The following CYP2E1 variants were observed in gnomAD, a reference collection of about 807,000 sequenced individuals.
The protein encoded by CYP2E1 is cytochrome P450 family 2 subfamily E member 1, also known as cytochrome P450 2E1.
In CYP2E1, 31 loss-of-function variants were observed where a neutral mutation model predicts 42.9. That is an observed-to-expected ratio of 0.72 (90% confidence interval 0.54 to 0.98). The LOEUF (loss-of-function observed/expected upper bound fraction) is 0.98. Ranked by LOEUF, CYP2E1 falls within the 50% of genes least tolerant of loss-of-function variation. The probability of loss-of-function intolerance (pLI) is 0.00; values close to 1 mark genes in which losing one functional copy is unlikely to be tolerated. For missense variants in CYP2E1, 565 were observed against 633.2 expected (o/e 0.89, Z 1.16); for synonymous variants, 244 against 248.9 (o/e 0.98, Z 0.19).
At position 133,537,047 on chromosome 10, in the gene CYP2E1, A is replaced by G; in HGVS notation, c.968-16A>G. The G allele has an allele frequency of 1.2e-6, 2 of 1,610,262 alleles. No individual in the cohort carries two copies. Among genetic ancestry groups the G allele is most frequent in the Non-Finnish European group, 1.7e-6 (2 of 1,177,644 alleles). On this transcript the variant is annotated splice_polypyrimidine_tract_variant and intron_variant, in intron 6 of 8. Transcript: ENST00000252945. The stretch of plus-strand genomic sequence containing the variant: ...GGAACCAATCCCTGAAATTTGTCCC[A>G]TTCATATCTTGGCAGAGAAGCTCCA...
chr10:133,536,401 GTGGATGGACGGACGGATGGATGGA>G (rs1482988672), intron 6 of CYP2E1, among the ~76,000 whole-genome samples: 1 of 151,010 alleles, frequency 6.6e-6, no homozygotes, highest in Non-Finnish European at 1.5e-5. Flanking sequence ...GGATGGGTGG[GTGGATGGACGGACGGATGGATGGA>G]TGGATGGATG....
intron 8 of CYP2E1, among the ~76,000 whole-genome samples, chr10:133,538,503 C>A (rs1169991689): frequency 2.0e-5 from 3 of 152,186 alleles, no homozygotes; most frequent in Non-Finnish European, 2.9e-5. Context: ...CTTTACTGGG[C>A]AGACACGGTC....
intron 6 of CYP2E1, among the ~76,000 whole-genome samples, chr10:133,534,508 A>T (rs1045138558): frequency 6.6e-6 from 1 of 152,108 alleles, no homozygotes; most frequent in Non-Finnish European, 1.5e-5. Context: ...AGTAGAGGTG[A>T]TGTGAGGGCA....
intron 6 of CYP2E1, among the ~76,000 whole-genome samples, chr10:133,534,864 A>ATT (rs1190620195): frequency 2.8e-5 from 2 of 71,328 alleles, no homozygotes; most frequent in African/African-American, 9.0e-5. Flanking sequence ...CTTTTTATTT[A>ATT]TTTATTTTTT....
intron 2 of CYP2E1, among the ~76,000 whole-genome samples, chr10:133,530,170 C>T (rs907095055): frequency 6.6e-6 from 1 of 152,194 alleles, no homozygotes; most frequent in Non-Finnish European, 1.5e-5. Flanking sequence ...GAGCCCTGGG[C>T]ATGGGCTGCA....
chr10:133,537,594 G>C (rs754237819), intron 7 of CYP2E1, 157 bp from the exon 8 acceptor site: 1 of 659,380 alleles, frequency 1.5e-6, no homozygotes. Context: ...ACCCCTGACT[G>C]CTTTCTATCT....
intron 6 of CYP2E1, among the ~76,000 whole-genome samples, chr10:133,535,207 G>A (rs1046388860): frequency 7.9e-5 from 12 of 151,948 alleles, no homozygotes; most frequent in Admixed American, 2.0e-4. Flanking sequence ...GGTGGCACGC[G>A]CCTATAGTCA....
chr10:133,528,229 T>TGCCGCGGAGTTGTCCGCGGAGTC (rs1851294059), intron 1 of CYP2E1: 13 of 407,232 alleles, frequency 3.2e-5, no homozygotes, highest in Non-Finnish European at 4.9e-5. Flanking sequence ...TCCGCGGAGT[T>TGCCGCGGAGTTGTCCGCGGAGTC]GCCGCGGAGT....
intron 4 of CYP2E1, 54 bp from the exon 5 acceptor site, chr10:133,532,638 C>T: frequency 6.9e-7 from 1 of 1,439,278 alleles, no homozygotes; most frequent in South Asian, 1.4e-5. Flanking sequence ...GTCCAACACA[C>T]ACAATTATGT....
rs1471629503 is a variant in CYP2E1 at position 133,531,580 on chromosome 10, C to T, written c.338-5C>T. 6.2e-7 allele frequency: 1 copy of T among 1,613,918 alleles called. No individual in the cohort carries two copies. The highest frequency in any genetic ancestry group is 8.5e-7 in the Non-Finnish European group (1 of 1,180,008). On this transcript the variant is annotated splice_region_variant and splice_polypyrimidine_tract_variant and intron_variant, in intron 2 of 8. Coordinates refer to ENST00000252945, the MANE Select transcript of CYP2E1 (RefSeq NM_000773.4). ...AATAACCTTCTGCTGGCCCCTCTGC[C>T]TTAGGAATCATTTTTAATAATGGAC...
chr10:133,535,333 T>TAA (rs5789170), intron 6 of CYP2E1, among the ~76,000 whole-genome samples: 1 of 150,058 alleles, frequency 6.7e-6, no homozygotes, highest in African/African-American at 2.4e-5. Flanking sequence ...AGAATCAGTC[T>TAA]AAAAAAAAAA....
Position 133,533,606 on chromosome 10 carries a change from CTCTG to C in CYP2E1, c.826-143_826-140del, listed in dbSNP as rs546404119. The C allele has an allele frequency of 5.0e-5, 45 of 891,944 alleles. No individual in the cohort carries two copies. The South Asian group carries it at 6.5e-4, about 13-fold the overall frequency. The allele number at this position is 891,944 out of a possible 1,614,324, so 55.3% of individuals were successfully genotyped here. On this transcript the variant is annotated intron_variant, in intron 5 of 8. Coordinates refer to ENST00000252945, the MANE Select transcript of CYP2E1 (RefSeq NM_000773.4). ...TTCCCTGGCTGTGAGGTGGAGATGACTCTGTCTGTCACAGCTCCAAGTCACAGTT... is the reference window on the plus strand; with the variant it reads ...TTCCCTGGCTGTGAGGTGGAGATGACTCTGTCACAGCTCCAAGTCACAGTT...
intron 6 of CYP2E1, among the ~76,000 whole-genome samples, chr10:133,535,202 C>G (rs1425330529): frequency 2.0e-5 from 3 of 152,038 alleles, no homozygotes; most frequent in Non-Finnish European, 4.4e-5. Flanking sequence ...GGTGTGGTGG[C>G]ACGCGCCTAT....
intron 2 of CYP2E1, 25 bp from the exon 3 acceptor site, chr10:133,531,560 C>T (rs901527896): frequency 6.2e-7 from 1 of 1,613,828 alleles, no homozygotes; most frequent in African/African-American, 1.3e-5. Flanking sequence ...TTTAGAATAA[C>T]CTTCTGCTGG....
chr10:133,528,377 G>A (rs996809494), intron 1 of CYP2E1, 104 bp from the exon 2 acceptor site: 1 of 1,367,324 alleles, frequency 7.3e-7, no homozygotes, highest in East Asian at 2.4e-5. Context: ...GTCCCTCTGG[G>A]TTCTCTAGAG....
At position 133,531,644 on chromosome 10, in the gene CYP2E1, C is replaced by T. The variant is rs148644999; in HGVS notation, c.397C>T (p.Leu133Phe). The change falls in exon 3 of 9, where the codon CTC becomes TTC. Residue 133 changes from leucine (L) to phenylalanine (F), a missense_variant. By Grantham distance (22) the Leu-to-Phe change is conservative (BLOSUM62 0). Transcript: ENST00000252945. ...CATCCGGCGGTTTTCCCTGACCACC[C>T]TCCGGAACTATGGGATGGGGAAACA... ...KDIRRFSLTT[L>F]RNYGMGKQGN... 8 of 1,613,894 alleles carry T rather than the reference C, an allele frequency of 5.0e-6. No individual in the cohort carries two copies. In the African/African-American group the frequency reaches 1.1e-4, roughly 22 times the overall value.
At chr10:133,536,890 T>A (rs531271296) in intron 6 of CYP2E1, among the ~76,000 whole-genome samples, 173 bp from the exon 7 acceptor site, 5 of 140,778 alleles carry the variant, frequency 3.6e-5, no homozygotes, top group African/African-American at 1.1e-4. Flanking sequence ...GATGCATGGG[T>A]GGATGGATGG....
In CYP2E1 at chr10:133,532,297, T is replaced by C. The variant is rs760756985; in HGVS notation, c.648+13T>C. On this transcript the variant is annotated intron_variant, in intron 4 of 8. Coordinates refer to ENST00000252945, the MANE Select transcript of CYP2E1 (RefSeq NM_000773.4). ...TCCCTGGCTCCAGGTGAAGCCACTT[T>C]CCTCTTTCATCAGTCATCAACTGTA... 6.2e-7 allele frequency: 1 copy of C among 1,607,924 alleles called. No homozygotes were observed.
At position 133,530,777 on chromosome 10, in the gene CYP2E1, G is replaced by A. The variant is rs192910164; in HGVS notation, c.338-808G>A. On this transcript the variant is annotated intron_variant, in intron 2 of 8. Coordinates refer to ENST00000252945, the MANE Select transcript of CYP2E1 (RefSeq NM_000773.4). ...GGAGAGAGGGGCTAGGGGCCCCTGC[G>A]GTGTAAAGGGGGTGTGGCTGGGAGT... 4.5e-4 allele frequency among the ~76,000 whole-genome samples: 68 copies of A among 152,296 alleles called. No individual in the cohort carries two copies. The East Asian group carries it at 8.9e-3, about 20-fold the overall frequency.
Sources: allele counts gnomAD v4.1 joint callset (sites outside exome capture counted in the v4.1 genomes callset), GRCh38; gene constraint gnomAD v4.1.1; transcripts MANE v1.5; gene names NCBI Gene and HGNC (gene_info 2026-07-23, HGNC 2026-07-21).